Variants in QSOX2 observed in about 807,000 individuals in gnomAD.
The protein encoded by QSOX2 is sulfhydryl oxidase 2.
QSOX2 carries 46 observed loss-of-function variants against 61.7 expected under a neutral mutation model. The observed-to-expected ratio is 0.75, with a 90% CI of 0.59 to 0.95. The LOEUF (loss-of-function observed/expected upper bound fraction) is 0.95. Among genes scored for constraint, QSOX2 ranks in the 40% least tolerant of loss-of-function variants. The pLI is 0.00. For missense variants in QSOX2, 879 were observed against 918.9 expected (o/e 0.96, Z 0.56); for synonymous variants, 383 against 388.4 (o/e 0.99, Z 0.16).
At position 136,209,696 on chromosome 9, in the gene QSOX2, C is replaced by A. The variant is rs754066808; in HGVS notation, c.1550-421G>T. On this transcript the variant is annotated intron_variant, in intron 11 of 11. Transcript: ENST00000358701. The surrounding 1 kb of genome is among the most constrained non-coding windows in gnomAD (Gnocchi z 5.6). ...GCCCCTCTGCCCTTTCCTGAGGGTG[C>A]ACCTGAGGCCCACTACCTACAGAGC... 10 of 984,786 alleles carry A rather than the reference C, an allele frequency of 1.0e-5. No individual in the cohort carries two copies. Among genetic ancestry groups the A allele is most frequent in the Non-Finnish European group, 1.1e-5 (9 of 829,740 alleles). The allele number at this position is 984,786 out of a possible 1,614,324, so 61.0% of individuals were successfully genotyped here.
At position 136,211,338 on chromosome 9, in the gene QSOX2, T is replaced by G; in HGVS notation, c.1475A>C (p.Asp492Ala). 1 of 1,614,154 alleles carries G rather than the reference T, an allele frequency of 6.2e-7. No individual in the cohort carries two copies. The highest frequency in any genetic ancestry group is 1.7e-5 in the Admixed American group (1 of 60,030). The change falls in exon 11 of 12, where the codon GAC (aspartate) becomes GCC (alanine). Residue 492 changes from aspartate (D) to alanine (A), a missense_variant. Asp to Ala is a moderately radical substitution (Grantham distance 126). Transcript: ENST00000358701. Reference sequence around the variant, plus strand: ...GGCTTGGTCTGGGGTTTTCACCGAGTCCATGGATTCTTTAGCCATTTCCTC... The same window carrying G: ...GGCTTGGTCTGGGGTTTTCACCGAGGCCATGGATTCTTTAGCCATTTCCTC... ...HFEEMAKESMDSVKTPDQAIL... is the reference protein window; with the variant it reads ...HFEEMAKESMASVKTPDQAIL...
intron 11 of QSOX2, among the ~76,000 whole-genome samples, chr9:136,211,057 T>C (rs1425444008): frequency 1.4e-5 from 2 of 147,992 alleles, no homozygotes; most frequent in African/African-American, 2.7e-5. Flanking sequence ...GAGAAGCATC[T>C]AGAAAGCCGG....
rs62579014 is a variant in QSOX2 at position 136,221,057 on chromosome 9, G to C, written c.821+739C>G. 0.05 allele frequency among the ~76,000 whole-genome samples: 7,561 copies of C among 151,624 alleles called. 246 individuals carry two copies. The highest frequency in any genetic ancestry group is 0.082 in the African/African-American group (3,406 of 41,400). ...GGGGCACACAGGCACTCCACGCAGA[G>C]GCAAAGGGCTTATCCTCATGAGGGG... On this transcript the variant is annotated intron_variant, in intron 6 of 11. Coordinates refer to ENST00000358701, the MANE Select transcript of QSOX2 (RefSeq NM_181701.4). This position sits in a 1 kb window ranked among gnomAD's most constrained non-coding sequence, Gnocchi z 4.5.
At chr9:136,212,048 A>T (rs1831852925) in intron 10 of QSOX2, among the ~76,000 whole-genome samples, 4 of 152,264 alleles carry the variant, frequency 2.6e-5, no homozygotes, top group Admixed American at 2.6e-4. Context: ...GGGCAGGCAC[A>T]GGGACGGGTG....
rs551950119 is a variant in QSOX2 at position 136,229,010 on chromosome 9, A to T, written c.329-2136T>A. ...ACAAATATGAAGGCTTGTGTGTGTT[A>T]GCGGTTCAGATTGCTATTTTTCTAC... On this transcript the variant is annotated intron_variant, in intron 1 of 11. Transcript: ENST00000358701. Among the ~76,000 whole-genome samples the T allele has an allele frequency of 3.9e-4, 59 of 152,360 alleles. No homozygotes were observed. In the Middle Eastern group the frequency reaches 0.017, roughly 44 times the overall value.
chr9:136,219,187 G>A lies in QSOX2; in HGVS notation c.822-23C>T, dbSNP rs60215327. On this transcript the variant is annotated intron_variant, in intron 6 of 11. Transcript: ENST00000358701. ...ACGCTGTGAGAGAGGGGAGGGCAAA[G>A]GTGAGAAGAGCCTCCTTTATAAAAT... 14,344 of 1,604,950 alleles carry A rather than the reference G, an allele frequency of 8.9e-3. 1,009 individuals carry two copies. In the African/African-American group the frequency reaches 0.16, roughly 18 times the overall value.
Position 136,209,157 on chromosome 9 carries a change from T to A in QSOX2, c.1668A>T (p.Thr556=). The change falls in exon 12 of 12, where the codon ACA becomes ACT. Residue 556 remains threonine, a synonymous_variant. Transcript: ENST00000358701. This position sits in a 1 kb window ranked among gnomAD's most constrained non-coding sequence, Gnocchi z 5.6. ...LASWDEGHVL[T]FLKQHYGRDN... ...CGCGGCCATAGTGCTGCTTCAAGAA[T>A]GTGAGCACGTGGCCTTCATCCCAGC... is the stretch of plus-strand genomic sequence containing the variant. The A allele has an allele frequency of 6.2e-7, 1 of 1,614,176 alleles. No homozygotes were observed. Among genetic ancestry groups the A allele is most frequent in the Non-Finnish European group, 8.5e-7 (1 of 1,180,024 alleles).
In QSOX2 at chr9:136,215,184, A is replaced by C. The variant is rs374278815; in HGVS notation, c.1330T>G (p.Ser444Ala). ...KLFHTLTVEA[S>A]THPDALVGTG... Reference sequence around the variant, plus strand: ...CCAACCAGTGCATCTGGGTGGGTCGAGGCTTCAACAGTCAAAGTGTGGAAC... The same window carrying C: ...CCAACCAGTGCATCTGGGTGGGTCGCGGCTTCAACAGTCAAAGTGTGGAAC... The change falls in exon 10 of 12, where the codon TCG (serine) becomes GCG (alanine). Residue 444 changes from serine (S) to alanine (A), a missense_variant. Transcript: ENST00000358701. 1.7e-5 allele frequency: 28 copies of C among 1,613,942 alleles called. No homozygotes were observed. The highest frequency in any genetic ancestry group is 2.3e-5 in the Non-Finnish European group (27 of 1,180,020).
intron 1 of QSOX2, among the ~76,000 whole-genome samples, chr9:136,227,637 C>T (rs1830294017): frequency 6.6e-6 from 1 of 152,158 alleles, no homozygotes; most frequent in African/African-American, 2.4e-5. Flanking sequence ...CAAATCTCAG[C>T]ACGTCATTTC....
intron 1 of QSOX2, among the ~76,000 whole-genome samples, chr9:136,234,925 C>T (rs1259302041): frequency 6.6e-6 from 1 of 152,186 alleles, no homozygotes; most frequent in African/African-American, 2.4e-5. Context: ...CTGTGTGACC[C>T]CCGCTCCCTT....
Position 136,209,144 on chromosome 9 carries a change from G to A in QSOX2, c.1681C>T (p.His561Tyr). 1 of 1,614,212 alleles carries A rather than the reference G, an allele frequency of 6.2e-7. No individual in the cohort carries two copies. Among genetic ancestry groups the A allele is most frequent in the Non-Finnish European group, 8.5e-7 (1 of 1,180,042 alleles). The change falls in exon 12 of 12, where the codon CAC becomes TAC. Residue 561 changes from histidine to tyrosine, a missense_variant. Physicochemically the swap from His to Tyr is moderately conservative, Grantham distance 83. Coordinates refer to ENST00000358701, the MANE Select transcript of QSOX2 (RefSeq NM_181701.4). This position sits in a 1 kb window ranked among gnomAD's most constrained non-coding sequence, Gnocchi z 5.6. ...TCTAAGAGGTTGTCGCGGCCATAGTGCTGCTTCAAGAATGTGAGCACGTGG... is the reference window on the plus strand; with the variant it reads ...TCTAAGAGGTTGTCGCGGCCATAGTACTGCTTCAAGAATGTGAGCACGTGG... Reference protein sequence around the residue: ...EGHVLTFLKQHYGRDNLLDTY... With the variant: ...EGHVLTFLKQYYGRDNLLDTY...
At chr9:136,239,807 G>C (rs556696700) in intron 1 of QSOX2, among the ~76,000 whole-genome samples, 1 of 152,366 alleles carries the variant, frequency 6.6e-6, no homozygotes, top group South Asian at 2.1e-4. Flanking sequence ...AGATGAGGGA[G>C]AATTTCAGTT....
intron 1 of QSOX2, among the ~76,000 whole-genome samples, chr9:136,231,667 C>T (rs1564295847): frequency 2.0e-5 from 3 of 152,352 alleles, no homozygotes; most frequent in Non-Finnish European, 1.5e-5. Flanking sequence ...CCACACTGAT[C>T]GCTCCTTACC....
At chr9:136,239,308 AAGT>A (rs1830416184) in intron 1 of QSOX2, among the ~76,000 whole-genome samples, 1 of 152,060 alleles carries the variant, frequency 6.6e-6, no homozygotes, top group South Asian at 2.1e-4. Context: ...TCAGCCTCCT[AAGT>A]GGCTGGGGCC....
intron 6 of QSOX2, 87 bp from the exon 7 acceptor site, chr9:136,219,251 C>T: frequency 6.8e-7 from 1 of 1,468,088 alleles, no homozygotes. Flanking sequence ...CAGCTCTGGG[C>T]CACCCCTTTC....
intron 1 of QSOX2, among the ~76,000 whole-genome samples, chr9:136,238,758 T>G (rs927472516): frequency 4.6e-5 from 7 of 152,256 alleles, no homozygotes; most frequent in Non-Finnish European, 2.9e-5. Context: ...GGCATTCTGT[T>G]GCTCAGGAAG....
chr9:136,233,758 C>T (rs1366652644), intron 1 of QSOX2, among the ~76,000 whole-genome samples: 1 of 152,240 alleles, frequency 6.6e-6, no homozygotes, highest in Non-Finnish European at 1.5e-5. Flanking sequence ...CCAAGTGCCT[C>T]CTCACCAGTG....
chr9:136,226,251 T>C (rs972773398), intron 2 of QSOX2, among the ~76,000 whole-genome samples: 1 of 152,218 alleles, frequency 6.6e-6, no homozygotes, highest in Non-Finnish European at 1.5e-5. Context: ...ACACATGCTA[T>C]GCACGGGCCT....
intron 10 of QSOX2, among the ~76,000 whole-genome samples, chr9:136,211,741 C>T (rs527397599): frequency 2.2e-4 from 34 of 152,318 alleles, no homozygotes; most frequent in African/African-American, 7.0e-4. Flanking sequence ...CGGACTCGGC[C>T]GCCAGGGCCC....
Sources: allele counts gnomAD v4.1 joint callset (sites outside exome capture counted in the v4.1 genomes callset), GRCh38; gene constraint gnomAD v4.1.1; non-coding constraint Gnocchi (gnomAD v3.1); transcripts MANE v1.5; gene names NCBI Gene and HGNC (gene_info 2026-07-23, HGNC 2026-07-21).